WASF1: variants seen among roughly 807,000 people sequenced by gnomAD.
WASF1 encodes actin-binding protein WASF1.
A neutral mutation model predicts 50.5 loss-of-function variants in WASF1; 7 were observed. That is an observed-to-expected ratio of 0.14 (90% CI 0.08 to 0.26). The LOEUF is 0.26. WASF1 is among the 10% of genes least tolerant of loss of function. The pLI is 1.00. For missense variants in WASF1, 470 were observed against 694.7 expected, an observed-to-expected ratio of 0.68 and a Z score of 3.64; for synonymous variants, 205 against 244.0, an observed-to-expected ratio of 0.84 and a Z score of 1.49.
At chr6:110,110,760 A>T (rs1773517722) in intron 5 of WASF1, among the ~76,000 whole-genome samples, 1 of 152,152 alleles carries the variant, frequency 6.6e-6, no homozygotes, top group Admixed American at 6.5e-5. Flanking sequence ...GTTTTTAGTT[A>T]CTACAAAACG....
chr6:110,117,414 G>A (rs1398897035), intron 4 of WASF1, among the ~76,000 whole-genome samples: 2 of 152,128 alleles, frequency 1.3e-5, no homozygotes, highest in Non-Finnish European at 2.9e-5. Context: ...GAATATCAGT[G>A]ATTGAAGATC....
At chr6:110,177,668 A>C (rs1023323055) in intron 2 of WASF1, among the ~76,000 whole-genome samples, 1 of 152,084 alleles carries the variant, frequency 6.6e-6, no homozygotes, top group African/African-American at 2.4e-5. Flanking sequence ...TTTCCTAACC[A>C]AGCAACTAAT....
chr6:110,136,229 T>C (rs988908584), intron 3 of WASF1, among the ~76,000 whole-genome samples: 1 of 152,172 alleles, frequency 6.6e-6, no homozygotes, highest in Non-Finnish European at 1.5e-5. Context: ...AAGTTTTTTG[T>C]TTTTGTATTA....
At chr6:110,136,741 C>A (rs908005858) in intron 3 of WASF1, among the ~76,000 whole-genome samples, 1 of 152,128 alleles carries the variant, frequency 6.6e-6, no homozygotes, top group Non-Finnish European at 1.5e-5. Flanking sequence ...TTAGCTGCTG[C>A]CTTTTGCTTT....
chr6:110,135,156 AT>A (rs977596943), intron 3 of WASF1, among the ~76,000 whole-genome samples: 1 of 152,100 alleles, frequency 6.6e-6, no homozygotes, highest in Admixed American at 6.5e-5. Flanking sequence ...TGAGTTCTGG[AT>A]TTGATTCTCA....
In WASF1 at chr6:110,100,484, T is replaced by C. The variant is rs774203129; in HGVS notation, c.*38A>G. ...AAGGAACAAGCACCACAAAGGACATTTGCATTCAGTTTTGTAATATTTATC... is the reference window on the plus strand; with the variant it reads ...AAGGAACAAGCACCACAAAGGACATCTGCATTCAGTTTTGTAATATTTATC... On this transcript the variant is annotated 3_prime_UTR_variant, in exon 11 of 11. Transcript: ENST00000392589. 29 of 1,565,736 alleles carry C rather than the reference T, an allele frequency of 1.9e-5. No individual in the cohort carries two copies. The highest frequency in any genetic ancestry group is 4.6e-5 in the East Asian group (2 of 43,392).
At chr6:110,143,713 G>A (rs1775381417) in intron 3 of WASF1, among the ~76,000 whole-genome samples, 1 of 151,986 alleles carries the variant, frequency 6.6e-6, no homozygotes, top group South Asian at 2.1e-4. Context: ...AGAATTAAAA[G>A]TATTTTATTA....
At chr6:110,146,011 T>C (rs1193365368) in intron 3 of WASF1, among the ~76,000 whole-genome samples, 1 of 150,704 alleles carries the variant, frequency 6.6e-6, no homozygotes, top group African/African-American at 2.4e-5. Flanking sequence ...AGGGATGGCA[T>C]TAGGAGATAT....
chr6:110,123,454 C>A (rs1386414409), intron 4 of WASF1, among the ~76,000 whole-genome samples: 1 of 152,222 alleles, frequency 6.6e-6, no homozygotes, highest in Non-Finnish European at 1.5e-5. Context: ...GAATTTTGAG[C>A]AGAGGGAGAA....
intron 4 of WASF1, among the ~76,000 whole-genome samples, chr6:110,121,497 C>G (rs1351230869): frequency 1.3e-5 from 2 of 152,144 alleles, no homozygotes; most frequent in African/African-American, 4.8e-5. Context: ...CCATCTCATG[C>G]CAGTTAGAAT....
At chr6:110,100,785 A>G (rs1773047783) in intron 10 of WASF1, 106 bp from the exon 11 acceptor site, 2 of 1,212,426 alleles carry the variant, frequency 1.6e-6, no homozygotes, top group Non-Finnish European at 2.2e-6. Context: ...TACTTATAGG[A>G]AAATAAAAAG....
chr6:110,163,333 T>C (rs1252558130), intron 2 of WASF1, among the ~76,000 whole-genome samples: 1 of 151,610 alleles, frequency 6.6e-6, no homozygotes, highest in Non-Finnish European at 1.5e-5. Context: ...GAAATTTATT[T>C]CTCACAGTTC....
chr6:110,163,207 C>A (rs746082901), intron 2 of WASF1, among the ~76,000 whole-genome samples: 60 of 151,724 alleles, frequency 4.0e-4, no homozygotes, highest in South Asian at 6.2e-4. Context: ...CTACAAAACT[C>A]TGACGAAAGA....
At chr6:110,122,272 G>T (rs1774175557) in intron 4 of WASF1, among the ~76,000 whole-genome samples, 1 of 151,080 alleles carries the variant, frequency 6.6e-6, no homozygotes, top group African/African-American at 2.4e-5. Context: ...AGAAGAAGTG[G>T]TGTCAGAAAA....
chr6:110,105,602 A>G (rs933199736), intron 7 of WASF1, 23 bp from the exon 8 acceptor site: 1 of 1,606,692 alleles, frequency 6.2e-7, no homozygotes, highest in African/African-American at 1.3e-5. Flanking sequence ...TATTGAAACA[A>G]AGTCAAATGC....
intron 3 of WASF1, among the ~76,000 whole-genome samples, chr6:110,155,619 T>G (rs372528019): frequency 1.2e-5 from 1 of 82,986 alleles, no homozygotes; most frequent in Non-Finnish European, 2.3e-5. Flanking sequence ...TAGTTACATA[T>G]GTATACATGT....
At chr6:110,116,754 T>G (rs1420199891) in intron 4 of WASF1, among the ~76,000 whole-genome samples, 1 of 152,074 alleles carries the variant, frequency 6.6e-6, no homozygotes, top group Admixed American at 6.5e-5. Context: ...GTAGCCTGAC[T>G]GGGGAACACC....
chr6:110,103,691 AT>A (rs1374867598), intron 8 of WASF1, 134 bp from the exon 9 acceptor site: 3 of 790,300 alleles, frequency 3.8e-6, no homozygotes, highest in Non-Finnish European at 5.6e-6. Context: ...ACTTTCAGAA[AT>A]GTATTATATT....
chr6:110,107,376 A>C lies in WASF1; in HGVS notation c.423-182T>G, dbSNP rs551796393. 2.0e-5 allele frequency among the ~76,000 whole-genome samples: 3 copies of C among 152,350 alleles called. No individual in the cohort carries two copies. In the East Asian group the frequency reaches 5.8e-4, roughly 29 times the overall value. ...TCTCACAAATATGAGGAAACAAAGA[A>C]AAGTGGTAAAGCAGATGCTTTTCCA... is the stretch of plus-strand genomic sequence containing the variant. On this transcript the variant is annotated intron_variant, in intron 6 of 10. Transcript: ENST00000392589.
Sources: gnomAD v4.1 joint callset for allele counts (sites outside exome capture counted in the v4.1 genomes callset) on GRCh38, gnomAD v4.1.1 for gene constraint, MANE v1.5 for transcripts, NCBI Gene and HGNC (gene_info 2026-07-23, HGNC 2026-07-21) for gene names.